ZNF469: variants seen among roughly 807,000 people sequenced by gnomAD.
ZNF469 encodes zinc finger protein 469.
ZNF469 carries 1 observed loss-of-function variant against 1.0 expected under a neutral mutation model. The observed-to-expected ratio is 1.00, with a 90% CI of 0.35 to 4.73. The LOEUF (loss-of-function observed/expected upper bound fraction) is 4.73. Among genes scored for constraint, ZNF469 ranks in the 30% most tolerant of loss-of-function variants. The pLI, the probability that ZNF469 is intolerant of heterozygous loss-of-function variation, is 0.16. For missense variants in ZNF469, 6,100 were observed against 5,356.3 expected, an observed-to-expected ratio of 1.14 and a Z score of -4.33; for synonymous variants, 2,703 against 2,363.4, an observed-to-expected ratio of 1.14 and a Z score of -4.17.
the ZNF469 span, among the ~76,000 whole-genome samples, chr16:88,314,637 T>G: frequency 6.6e-6 from 1 of 151,446 alleles, no homozygotes; most frequent in Non-Finnish European, 1.5e-5. Context: ...GACTGTCATC[T>G]CTGTAATTCA....
intron 1 of ZNF469, among the ~76,000 whole-genome samples, chr16:88,384,169 C>T (rs374380856): frequency 1.3e-5 from 2 of 152,226 alleles, no homozygotes; most frequent in African/African-American, 4.8e-5. Flanking sequence ...GTCCTGAGAT[C>T]CGTGTTAACC....
the ZNF469 span, among the ~76,000 whole-genome samples, chr16:88,286,562 G>T: frequency 2.0e-5 from 3 of 152,258 alleles, no homozygotes; most frequent in Non-Finnish European, 4.4e-5. Flanking sequence ...CCCTCACCTG[G>T]CCTGGGCCCC....
chr16:88,230,153 G>A, the ZNF469 span, among the ~76,000 whole-genome samples: 3 of 152,210 alleles, frequency 2.0e-5, no homozygotes, highest in South Asian at 4.1e-4. Flanking sequence ...TTTCATTGAC[G>A]ATGGAATGAA....
At chr16:88,111,293 T>C in the ZNF469 span, among the ~76,000 whole-genome samples, 10 of 152,322 alleles carry the variant, frequency 6.6e-5, no homozygotes, top group African/African-American at 2.2e-4. Context: ...TATATATTCA[T>C]GGGGTACATG....
the ZNF469 span, among the ~76,000 whole-genome samples, chr16:88,227,668 C>T: frequency 2.6e-5 from 4 of 151,664 alleles, no homozygotes; most frequent in East Asian, 1.9e-4. Context: ...TGCCTTGATG[C>T]GTATTTTCCA....
chr16:88,236,742 C>A, the ZNF469 span, among the ~76,000 whole-genome samples: 1 of 151,924 alleles, frequency 6.6e-6, no homozygotes, highest in Non-Finnish European at 1.5e-5. Flanking sequence ...TGGGGGGTGC[C>A]TGTAAGCTCA....
chr16:88,153,201 G>C, the ZNF469 span, among the ~76,000 whole-genome samples: 9 of 152,218 alleles, frequency 5.9e-5, no homozygotes, highest in African/African-American at 2.2e-4. Context: ...CGGGAACCCA[G>C]GTGGGGGGCT....
intron 1 of ZNF469, among the ~76,000 whole-genome samples, chr16:88,409,468 G>A (rs1230538750): frequency 6.6e-6 from 1 of 152,126 alleles, no homozygotes; most frequent in Non-Finnish European, 1.5e-5. Flanking sequence ...GCATCCTCGG[G>A]GCAGCAGCCA....
At chr16:88,294,065 A>G in the ZNF469 span, among the ~76,000 whole-genome samples, 1 of 152,184 alleles carries the variant, frequency 6.6e-6, no homozygotes, top group African/African-American at 2.4e-5. Flanking sequence ...GCCTCAAGAG[A>G]GGAGTCAGTG....
Position 88,437,099 on chromosome 16 carries a change from C to T in ZNF469, c.9629C>T (p.Ser3210Phe), listed in dbSNP as rs1387307886. ...RFARRGQARR[S>F]LGDLPGGLEG... ...GCCCGCAGGGGGCAGGCGCGGAGGT[C>T]CTTGGGGGACCTGCCCGGAGGCCTG... The change falls in exon 3 of 3, where the codon TCC (serine) becomes TTC (phenylalanine). Residue 3210 changes from serine (S) to phenylalanine (F), a missense_variant. Transcript: ENST00000565624. 6.5e-7 allele frequency: 1 copy of T among 1,546,812 alleles called. No homozygotes were observed. The highest frequency in any genetic ancestry group is 8.7e-7 in the Non-Finnish European group (1 of 1,146,376).
Position 88,430,407 on chromosome 16 carries a change from G to A in ZNF469, c.2937G>A (p.Arg979=). 1 of 1,520,906 alleles carries A rather than the reference G, an allele frequency of 6.6e-7. No homozygotes were observed. The allele number at this position is 1,520,906 out of a possible 1,614,324, so 94.2% of individuals were successfully genotyped here. The change falls in exon 3 of 3, where the codon AGG becomes AGA. Residue 979 remains arginine (R), a synonymous_variant. Coordinates refer to ENST00000565624, the MANE Select transcript of ZNF469 (RefSeq NM_001367624.2). ...SGGGGRASGL[R]PRRNDGLGER... ...GCGGCGGCAGAGCCTCCGGCCTGAGGCCCCGGAGGAACGACGGTCTCGGGG... is the reference window on the plus strand; with the variant it reads ...GCGGCGGCAGAGCCTCCGGCCTGAGACCCCGGAGGAACGACGGTCTCGGGG...
At chr16:88,421,364 A>T (rs1905451534) in intron 1 of ZNF469, among the ~76,000 whole-genome samples, 2 of 152,154 alleles carry the variant, frequency 1.3e-5, no homozygotes, top group African/African-American at 4.8e-5. Flanking sequence ...TCTGGGGGAT[A>T]GGATCTCCCG....
chr16:88,297,952 A>G, the ZNF469 span, among the ~76,000 whole-genome samples: 6 of 152,196 alleles, frequency 3.9e-5, no homozygotes, highest in East Asian at 1.2e-3. Context: ...CTGTGCTCCC[A>G]GCTTGAGGAA....
In ZNF469 at chr16:88,439,167, A is replaced by AC; in HGVS notation, c.11701dup (p.Leu3901ProfsTer15). On this transcript the variant is annotated frameshift_variant, in exon 3 of 3. Coordinates refer to ENST00000565624, the MANE Select transcript of ZNF469 (RefSeq NM_001367624.2). LOFTEE classifies it low-confidence loss of function (END_TRUNC). ...TGGGCAAGGCCTTCCCCCAGGGGAG[A>AC]CCCCTGCTCAGGCCCCCCAAGAGGG... is the stretch of plus-strand genomic sequence containing the variant. 1 of 1,550,344 alleles carries AC rather than the reference A, an allele frequency of 6.5e-7. No homozygotes were observed. Among genetic ancestry groups the AC allele is most frequent in the Non-Finnish European group, 8.7e-7 (1 of 1,146,948 alleles).
chr16:88,416,248 T>C (rs1597199821), intron 1 of ZNF469, among the ~76,000 whole-genome samples: 1 of 152,016 alleles, frequency 6.6e-6, no homozygotes, highest in Admixed American at 6.5e-5. Context: ...TCACTCGAGG[T>C]GGGATGGGCT....
chr16:88,142,472 C>T, the ZNF469 span, among the ~76,000 whole-genome samples: 16 of 152,310 alleles, frequency 1.1e-4, no homozygotes, highest in African/African-American at 2.6e-4. Context: ...GATGCCTAAG[C>T]GGGTCCTTAT....
In ZNF469 at chr16:88,434,862, G is replaced by A. The variant is rs1184695146; in HGVS notation, c.7392G>A (p.Lys2464=). 6.5e-7 allele frequency: 1 copy of A among 1,550,274 alleles called. No individual in the cohort carries two copies. The highest frequency in any genetic ancestry group is 8.7e-7 in the Non-Finnish European group (1 of 1,147,006). Residue 2464 remains lysine (K), a synonymous_variant, in exon 3 of 3, where the codon AAG becomes AAA. Coordinates refer to ENST00000565624, the MANE Select transcript of ZNF469 (RefSeq NM_001367624.2). ...CATCTACAGAGAACGGCCAGTGGAA[G>A]GGCCAAGCTCCACATGGGCCTGTGA... ...KPASTENGQW[K]GQAPHGPVTC...
chr16:88,169,091 A>G, the ZNF469 span, among the ~76,000 whole-genome samples: 1 of 151,980 alleles, frequency 6.6e-6, no homozygotes, highest in Non-Finnish European at 1.5e-5. This position sits in a 1 kb window ranked among gnomAD's most constrained non-coding sequence, Gnocchi z 6.1. Context: ...GACAGGCCGG[A>G]AGTGTGTGCA....
the ZNF469 span, among the ~76,000 whole-genome samples, chr16:88,159,209 G>A: frequency 1.2e-4 from 3 of 24,514 alleles, no homozygotes; most frequent in East Asian, 1.3e-3. Context: ...AGGGCCGTGC[G>A]GACCACTCTC....
Sources: gnomAD v4.1 joint callset for allele counts (sites outside exome capture counted in the v4.1 genomes callset) on GRCh38, gnomAD v4.1.1 for gene constraint, Gnocchi (gnomAD v3.1) non-coding constraint, MANE v1.5 for transcripts, NCBI Gene and HGNC (gene_info 2026-07-23, HGNC 2026-07-21) for gene names.